Variants in RPP40 observed in about 807,000 individuals in gnomAD.
The protein encoded by RPP40 is ribonuclease P protein subunit p40.
RPP40 carries 30 observed loss-of-function variants against 42.5 expected under a neutral mutation model. The observed-to-expected ratio is 0.71, with a 90% CI of 0.53 to 0.96. RPP40 has a LOEUF of 0.96. Among genes scored for constraint, RPP40 ranks in the 40% least tolerant of loss-of-function variants. The probability of loss-of-function intolerance (pLI) is 0.00; values close to 1 mark genes in which losing one functional copy is unlikely to be tolerated. For missense variants in RPP40, 426 were observed against 433.5 expected (o/e 0.98, Z 0.15); for synonymous variants, 173 against 164.0 (o/e 1.05, Z -0.42).
chr6:5,001,697 T>A, intron 2 of RPP40: 1 of 168,902 alleles, frequency 5.9e-6, no homozygotes, highest in Non-Finnish European at 1.3e-5. Flanking sequence ...CACTTTGCTC[T>A]GTGAACAGTA....
chr6:4,995,392 TAGCTTTAATTTTTGAAAATC>T, intron 7 of RPP40, 116 bp from the exon 8 acceptor site: 1 of 741,406 alleles, frequency 1.3e-6, no homozygotes, highest in Non-Finnish European at 2.2e-6. Context: ...GCTTAGATCT[TAGCTTTAATTTTTGAAAATC>T]AAGAGGTGTG....
intron 1 of RPP40, 67 bp downstream of exon 1, chr6:5,003,813 C>T (rs1440860532): frequency 2.6e-6 from 4 of 1,538,544 alleles, no homozygotes; most frequent in Admixed American, 3.9e-5. Flanking sequence ...GCCTAGCACT[C>T]TCCCCAAACC....
At chr6:4,994,612 T>G (rs1759313764), downstream of RPP40, 1 of 157,480 alleles carries the variant, frequency 6.4e-6, no homozygotes, top group South Asian at 1.9e-4. Flanking sequence ...CCACTATAAC[T>G]TCGGTAGTGT....
Position 5,002,136 on chromosome 6 carries a change from A to T in RPP40, c.233T>A (p.Ile78Asn). 6.2e-7 allele frequency: 1 copy of T among 1,612,172 alleles called. No individual in the cohort carries two copies. ...AAAGGTACTGATGAATTCAGGTGTA[A>T]TTAATTCATGAAGAGGTAAATTCTT... ...FVKNLPLHEL[I>N]TPEFISTFIK... is the part of the protein sequence containing the mutation. Residue 78 changes from isoleucine (I) to asparagine (N), a missense_variant, in exon 2 of 8, where the codon ATT (isoleucine) becomes AAT (asparagine). Physicochemically the swap from Ile to Asn is moderately radical, Grantham distance 149. Coordinates refer to ENST00000380051, the MANE Select transcript of RPP40 (RefSeq NM_006638.4).
chr6:4,995,043 A>G lies in RPP40; in HGVS notation c.*35T>C. 5.8e-6 allele frequency: 9 copies of G among 1,552,630 alleles called. No homozygotes were observed. Among genetic ancestry groups the G allele is most frequent in the Non-Finnish European group, 7.9e-6 (9 of 1,135,842 alleles). On this transcript the variant is annotated 3_prime_UTR_variant, in exon 8 of 8. Transcript: ENST00000380051. ...CATTAAGAAATCTGAAAGCAAGCGT[A>G]AATGTAAGTAAACACGATTTTTAAT...
Position 4,998,726 on chromosome 6 carries a change from C to T in RPP40, c.549G>A (p.Trp183Ter). Residue 183 changes from tryptophan (W) to a stop codon, truncating the protein, a stop_gained, in exon 5 of 8, where the codon TGG becomes TGA. Coordinates refer to ENST00000380051, the MANE Select transcript of RPP40 (RefSeq NM_006638.4). LOFTEE classifies it high-confidence loss of function. ...KPLKFDFLLA[W>*]HKTGSEESTM... The stretch of plus-strand genomic sequence containing the variant: ...ATTTATTCCTCATACCTGTTTTATG[C>T]CAAGCCAAAAGAAAATCAAATTTCA... 6.5e-7 allele frequency: 1 copy of T among 1,547,978 alleles called. No homozygotes were observed. Among genetic ancestry groups the T allele is most frequent in the Non-Finnish European group, 8.8e-7 (1 of 1,141,864 alleles).
intron 5 of RPP40, 126 bp from the exon 6 acceptor site, chr6:4,996,546 C>G: frequency 2.5e-6 from 2 of 789,194 alleles, no homozygotes; most frequent in Non-Finnish European, 4.1e-6. Flanking sequence ...CTGTGCAGAG[C>G]TGCATTCAAA....
At chr6:4,990,702 A>C (rs1335864479), downstream of RPP40, among the ~76,000 whole-genome samples, 1 of 145,504 alleles carries the variant, frequency 6.9e-6, no homozygotes, top group Non-Finnish European at 1.5e-5. Context: ...TCTGTCCTTG[A>C]ACTCCTGGCT....
At chr6:4,993,319 G>A (rs1030825896), downstream of RPP40, among the ~76,000 whole-genome samples, 14 of 152,234 alleles carry the variant, frequency 9.2e-5, no homozygotes, top group Middle Eastern at 3.4e-3. Context: ...CCAACCAGTG[G>A]AATTTGCAAT....
chr6:5,002,302 T>A (rs534873718), intron 1 of RPP40, 57 bp from the exon 2 acceptor site: 107 of 1,374,596 alleles, frequency 7.8e-5, no homozygotes, highest in Non-Finnish European at 9.8e-5. Flanking sequence ...AACACCCAGG[T>A]TTTTAGGAAT....
the RPP40 span, among the ~76,000 whole-genome samples, chr6:4,988,844 T>G: frequency 6.6e-6 from 1 of 152,226 alleles, no homozygotes; most frequent in African/African-American, 2.4e-5. Context: ...AAGAGTGAAA[T>G]TACTGGATCA....
chr6:4,993,556 T>C (rs1284720945), downstream of RPP40, among the ~76,000 whole-genome samples: 4 of 152,204 alleles, frequency 2.6e-5, no homozygotes, highest in African/African-American at 2.4e-5. Context: ...TTTTTTTCTA[T>C]GAACTTACAT....
intron 4 of RPP40, among the ~76,000 whole-genome samples, chr6:4,999,568 C>T (rs185100127): frequency 8.6e-5 from 13 of 151,946 alleles, no homozygotes; most frequent in Admixed American, 7.9e-4. Context: ...AGGTTTAACC[C>T]GAAACATATA....
chr6:5,002,764 T>TAA (rs1759603469), intron 1 of RPP40, among the ~76,000 whole-genome samples: 1 of 152,166 alleles, frequency 6.6e-6, no homozygotes, highest in Non-Finnish European at 1.5e-5. Context: ...ACAGGCGAGT[T>TAA]AAAGTATACA....
At chr6:4,990,344 C>T (rs546639488), downstream of RPP40, among the ~76,000 whole-genome samples, 30 of 152,136 alleles carry the variant, frequency 2.0e-4, no homozygotes, top group South Asian at 6.0e-3. Flanking sequence ...AGAATTTTAC[C>T]CTATGTTCAT....
chr6:5,000,015 T>C, intron 3 of RPP40, 111 bp from the exon 4 acceptor site: 1 of 634,352 alleles, frequency 1.6e-6, no homozygotes, highest in South Asian at 2.0e-5. Flanking sequence ...ACAAACTGCA[T>C]ACAAGGATCT....
At chr6:5,001,137 A>T (rs1759545748) in intron 2 of RPP40, 1 of 456,670 alleles carries the variant, frequency 2.2e-6, no homozygotes. Flanking sequence ...AATTCTAGAT[A>T]AACATACACC....
chr6:5,000,488 G>T (rs1411516735), intron 3 of RPP40, 75 bp downstream of exon 3: 1 of 777,118 alleles, frequency 1.3e-6, no homozygotes, highest in East Asian at 3.2e-5. Context: ...GTGCCCAGCT[G>T]ACTTTTTTTT....
intron 5 of RPP40, among the ~76,000 whole-genome samples, chr6:4,996,929 G>A (rs1055690838): frequency 2.6e-5 from 4 of 152,164 alleles, no homozygotes; most frequent in South Asian, 2.1e-4. Flanking sequence ...CTCCCTCCAC[G>A]GCAAAGGGCA....
Sources: gnomAD v4.1 joint callset for allele counts (sites outside exome capture counted in the v4.1 genomes callset) on GRCh38, gnomAD v4.1.1 for gene constraint, MANE v1.5 for transcripts, NCBI Gene and HGNC (gene_info 2026-07-23, HGNC 2026-07-21) for gene names.